Variants in KL observed in about 807,000 individuals in gnomAD.
KL encodes the protein klotho.
In KL, 62 loss-of-function variants were observed where a neutral mutation model predicts 84.2. The ratio of observed to expected loss-of-function variants is 0.74; its 90% CI spans 0.60 to 0.91. The LOEUF (loss-of-function observed/expected upper bound fraction) is 0.91, where lower values mean the gene tolerates loss of function less well. KL is among the 40% of genes least tolerant of loss of function. KL has a pLI of 0.00. For missense variants in KL, 1,261 were observed against 1,305.7 expected, an observed-to-expected ratio of 0.97 and a Z score of 0.53; for synonymous variants, 528 against 528.0, an observed-to-expected ratio of 1.00 and a Z score of 0.00.
At chr13:33,063,295 AAAGC>A (rs1333282771) in intron 4 of KL, among the ~76,000 whole-genome samples, 1 of 151,938 alleles carries the variant, frequency 6.6e-6, no homozygotes, top group Non-Finnish European at 1.5e-5. Context: ...CAAGTGACCA[AAAGC>A]AAGCAGGACA....
Position 33,064,214 on chromosome 13 carries a change from T to A in KL, c.*28T>A. 6.6e-7 allele frequency: 1 copy of A among 1,508,102 alleles called. No homozygotes were observed. Among genetic ancestry groups the A allele is most frequent in the Non-Finnish European group, 9.2e-7 (1 of 1,088,322 alleles). 93.4% of individuals were successfully genotyped at this position (1,508,102 alleles called of 1,614,324 possible). A position where few individuals can be genotyped will look rare whatever the true frequency, so the allele number is the denominator to read the frequency against. On this transcript the variant is annotated 3_prime_UTR_variant, in exon 5 of 5. Coordinates refer to ENST00000380099, the MANE Select transcript of KL (RefSeq NM_004795.4). ...CTGAACATTTTTCTATTCATTCATTTTGAAATAATTATGCAGACACATCAG... is the reference window on the plus strand; with the variant it reads ...CTGAACATTTTTCTATTCATTCATTATGAAATAATTATGCAGACACATCAG...
At chr13:33,041,789 C>T (rs764142906) in intron 1 of KL, among the ~76,000 whole-genome samples, 9 of 152,106 alleles carry the variant, frequency 5.9e-5, no homozygotes, top group Non-Finnish European at 1.3e-4. Flanking sequence ...CCACACACCC[C>T]CATCTCAGGT....
intron 4 of KL, among the ~76,000 whole-genome samples, chr13:33,063,292 C>A (rs118110381): frequency 6.6e-6 from 1 of 151,346 alleles, no homozygotes; most frequent in African/African-American, 2.4e-5. Context: ...AAGCAAGTGA[C>A]CAAAAGCAAG....
At position 33,053,848 on chromosome 13, in the gene KL, C is replaced by T; in HGVS notation, c.901C>T (p.His301Tyr). ...TCAGGTGTCCATTGCCCTAAGCTCTCACTGGATCAATCCTCGAAGAATGAC... is the reference window on the plus strand; with the variant it reads ...TCAGGTGTCCATTGCCCTAAGCTCTTACTGGATCAATCCTCGAAGAATGAC... ...GGQVSIALSSHWINPRRMTDH... is the reference protein window; with the variant it reads ...GGQVSIALSSYWINPRRMTDH... Residue 301 changes from histidine (H) to tyrosine (Y), a missense_variant, in exon 2 of 5, where the codon CAC becomes TAC. By Grantham distance (83) the His-to-Tyr change is moderately conservative (BLOSUM62 2). Coordinates refer to ENST00000380099, the MANE Select transcript of KL (RefSeq NM_004795.4). The T allele has an allele frequency of 6.2e-7, 1 of 1,614,170 alleles. No homozygotes were observed. The highest frequency in any genetic ancestry group is 8.5e-7 in the Non-Finnish European group (1 of 1,179,992).
chr13:33,020,712 ACCACTTCT>A lies in KL; in HGVS notation c.819+3456_819+3463del, dbSNP rs1870545542. Reference sequence around the variant, plus strand: ...ACCTCCAGGATGTGTCCAGAATCAAACCACTTCTCCCCTTATCTATGACTACGATGGAG... The same window carrying A: ...ACCTCCAGGATGTGTCCAGAATCAAACCCCTTATCTATGACTACGATGGAG... On this transcript the variant is annotated intron_variant, in intron 1 of 4. Coordinates refer to ENST00000380099, the MANE Select transcript of KL (RefSeq NM_004795.4). Among the ~76,000 whole-genome samples the A allele has an allele frequency of 5.9e-5, 9 of 152,234 alleles. No individual in the cohort carries two copies. In the South Asian group the frequency reaches 1.0e-3, roughly 18 times the overall value.
At chr13:33,026,745 C>T (rs1870792833) in intron 1 of KL, among the ~76,000 whole-genome samples, 1 of 152,194 alleles carries the variant, frequency 6.6e-6, no homozygotes, top group African/African-American at 2.4e-5. Flanking sequence ...GAGCGGTGCC[C>T]CCACTGAATG....
intron 1 of KL, among the ~76,000 whole-genome samples, chr13:33,037,186 T>C (rs74045653): frequency 0.036 from 5,532 of 152,290 alleles, 331 homozygotes; most frequent in African/African-American, 0.13. Flanking sequence ...GGCATACATC[T>C]AAGCTTGAGA....
At chr13:33,039,935 G>T (rs1871278380) in intron 1 of KL, among the ~76,000 whole-genome samples, 1 of 152,112 alleles carries the variant, frequency 6.6e-6, no homozygotes, top group Non-Finnish European at 1.5e-5. Context: ...CTCAGAGCTA[G>T]AAATGCAACT....
chr13:33,035,363 G>A (rs1233584360), intron 1 of KL, among the ~76,000 whole-genome samples: 3 of 152,170 alleles, frequency 2.0e-5, no homozygotes, highest in Non-Finnish European at 4.4e-5. Flanking sequence ...TAGATAAGGA[G>A]GCAGAAGTAG....
At chr13:33,020,758 A>C (rs775579659) in intron 1 of KL, among the ~76,000 whole-genome samples, 1 of 152,140 alleles carries the variant, frequency 6.6e-6, no homozygotes, top group African/African-American at 2.4e-5. Flanking sequence ...GCAAGACACC[A>C]TCCAACCTTG....
In KL at chr13:33,055,083, C is replaced by T. The variant is rs1480105284; in HGVS notation, c.1367C>T (p.Thr456Ile). The T allele has an allele frequency of 1.2e-5, 20 of 1,614,094 alleles. No homozygotes were observed. Among genetic ancestry groups the T allele is most frequent in the Non-Finnish European group, 1.7e-5 (20 of 1,180,042 alleles). Residue 456 changes from threonine to isoleucine, a missense_variant, in exon 3 of 5, where the codon ACC becomes ATC. By Grantham distance (89) the Thr-to-Ile change is moderately conservative (BLOSUM62 -1). Coordinates refer to ENST00000380099, the MANE Select transcript of KL (RefSeq NM_004795.4). The part of the protein sequence containing the change: ...KLDGVDVIGY[T>I]AWSLMDGFEW... ...GATGGGGTGGATGTCATCGGGTATACCGCATGGTCCCTCATGGATGGTTTC... is the reference window on the plus strand; with the variant it reads ...GATGGGGTGGATGTCATCGGGTATATCGCATGGTCCCTCATGGATGGTTTC...
intron 3 of KL, among the ~76,000 whole-genome samples, chr13:33,059,339 G>T (rs1872085484): frequency 6.6e-6 from 1 of 152,062 alleles, no homozygotes; most frequent in Non-Finnish European, 1.5e-5. Context: ...ATATGATTGA[G>T]AACTATAATC....
chr13:33,056,114 A>T (rs1871947663), intron 3 of KL, among the ~76,000 whole-genome samples: 1 of 152,218 alleles, frequency 6.6e-6, no homozygotes, highest in Admixed American at 6.5e-5. Flanking sequence ...CTACTGAGCG[A>T]AAACAATGTA....
intron 1 of KL, among the ~76,000 whole-genome samples, chr13:33,045,730 C>G (rs536567676): frequency 6.6e-6 from 1 of 152,162 alleles, no homozygotes; most frequent in South Asian, 2.1e-4. Context: ...CCGCCCGCCT[C>G]GGCCTCCCAA....
At chr13:33,040,275 C>T (rs779191255) in intron 1 of KL, among the ~76,000 whole-genome samples, 1 of 152,204 alleles carries the variant, frequency 6.6e-6, no homozygotes. Flanking sequence ...CGAGCACAAA[C>T]ATCAGGCTAG....
At chr13:33,051,259 T>A (rs115097071) in intron 1 of KL, among the ~76,000 whole-genome samples, 3,236 of 152,192 alleles carry the variant, frequency 0.021, 128 homozygotes, top group African/African-American at 0.074. Flanking sequence ...GAAGGCCAGG[T>A]GCGGTGGCTC....
intron 4 of KL, among the ~76,000 whole-genome samples, chr13:33,063,631 G>T (rs1417964419): frequency 1.3e-5 from 2 of 151,920 alleles, no homozygotes; most frequent in Admixed American, 6.6e-5. Context: ...ACAAAAATTT[G>T]CCAGGTGTGG....
intron 1 of KL, among the ~76,000 whole-genome samples, chr13:33,048,115 T>C (rs1871605845): frequency 6.6e-6 from 1 of 152,174 alleles, no homozygotes; most frequent in Non-Finnish European, 1.5e-5. Flanking sequence ...CTTCTGTTGA[T>C]ATTGAATACT....
chr13:33,037,945 T>C (rs1036229586), intron 1 of KL, among the ~76,000 whole-genome samples: 1 of 152,206 alleles, frequency 6.6e-6, no homozygotes, highest in African/African-American at 2.4e-5. Context: ...CATGCTCTTT[T>C]TATTCTGCAC....
Sources: allele counts gnomAD v4.1 joint callset (sites outside exome capture counted in the v4.1 genomes callset), GRCh38; gene constraint gnomAD v4.1.1; transcripts MANE v1.5; gene names NCBI Gene and HGNC (gene_info 2026-07-23, HGNC 2026-07-21).